The following APP variants were observed in gnomAD, a reference collection of about 807,000 sequenced individuals.
APP encodes the protein amyloid-beta precursor protein.
APP carries 31 observed loss-of-function variants against 101.4 expected under a neutral mutation model. That is an observed-to-expected ratio of 0.31 (90% CI 0.23 to 0.41). APP has a LOEUF of 0.41. APP is among the 10% of genes least tolerant of loss of function. The pLI, the probability that APP is intolerant of heterozygous loss-of-function variation, is 1.00. For missense variants in APP, 839 were observed against 1,003.7 expected (o/e 0.84, Z 2.22); for synonymous variants, 366 against 364.4 (o/e 1.00, Z -0.05).
intron 5 of APP, among the ~76,000 whole-genome samples, chr21:26,027,151 C>T (rs2044615129): frequency 6.6e-6 from 1 of 152,154 alleles, no homozygotes; most frequent in Non-Finnish European, 1.5e-5. Context: ...TCATGAGATC[C>T]AACCTACTTG....
At chr21:25,945,733 C>G (rs892647689) in intron 13 of APP, 6 of 352,122 alleles carry the variant, frequency 1.7e-5, no homozygotes, top group Non-Finnish European at 3.4e-5. Context: ...GGGTCTTGCT[C>G]TATTGCCCAG....
chr21:26,058,476 A>G (rs1483105798), intron 3 of APP, among the ~76,000 whole-genome samples: 1 of 152,248 alleles, frequency 6.6e-6, no homozygotes, highest in Non-Finnish European at 1.5e-5. Context: ...CTCCCACACT[A>G]TGGAATTTAA....
intron 8 of APP, among the ~76,000 whole-genome samples, chr21:25,995,087 CT>C (rs11315242): frequency 0.026 from 3,998 of 152,220 alleles, 203 homozygotes; most frequent in East Asian, 0.13. Flanking sequence ...ACAAAAGAGA[CT>C]TTCAGTATCT....
intron 15 of APP, among the ~76,000 whole-genome samples, chr21:25,904,752 AAAG>A (rs1384591715): frequency 6.6e-6 from 1 of 151,642 alleles, no homozygotes; most frequent in Non-Finnish European, 1.5e-5. Flanking sequence ...TTTAAAGAAA[AAAG>A]AAAAAAAAAA....
At chr21:26,047,732 A>G (rs1360321417) in intron 5 of APP, among the ~76,000 whole-genome samples, 1 of 152,208 alleles carries the variant, frequency 6.6e-6, no homozygotes, top group Non-Finnish European at 1.5e-5. Context: ...AAAGAGTGAT[A>G]AGAAATTTCA....
At chr21:26,056,648 A>G (rs2046054779) in intron 3 of APP, among the ~76,000 whole-genome samples, 1 of 150,654 alleles carries the variant, frequency 6.6e-6, no homozygotes, top group African/African-American at 2.4e-5. Context: ...TCTAACTTGC[A>G]AAACATTTCA....
intron 11 of APP, among the ~76,000 whole-genome samples, chr21:25,958,920 C>T (rs1460689132): frequency 2.6e-5 from 4 of 152,146 alleles, no homozygotes; most frequent in Non-Finnish European, 1.5e-5. Context: ...GCAGCTCTCC[C>T]CACCTTATTG....
intron 1 of APP, among the ~76,000 whole-genome samples, chr21:26,152,902 C>G (rs455921): frequency 0.49 from 74,215 of 152,066 alleles, 20,392 homozygotes; most frequent in African/African-American, 0.76. Flanking sequence ...TAAGTGGCCA[C>G]TGACTAATGA....
chr21:25,913,383 C>T (rs967077826), intron 13 of APP, among the ~76,000 whole-genome samples: 1 of 152,192 alleles, frequency 6.6e-6, no homozygotes, highest in African/African-American at 2.4e-5. Context: ...ATACTTGATG[C>T]CCATGATGAC....
intron 1 of APP, among the ~76,000 whole-genome samples, chr21:26,164,619 C>T (rs1052494672): frequency 3.9e-5 from 6 of 151,984 alleles, no homozygotes; most frequent in African/African-American, 7.2e-5. Flanking sequence ...TCTGGGAGGC[C>T]GAGGTGGGCA....
intron 17 of APP, among the ~76,000 whole-genome samples, chr21:25,886,302 A>T (rs181479699): frequency 7.2e-5 from 11 of 152,048 alleles, no homozygotes; most frequent in Non-Finnish European, 1.6e-4. Context: ...CCATCTCTCT[A>T]TAGTTATATA....
At chr21:25,967,233 C>T (rs894860151) in intron 11 of APP, among the ~76,000 whole-genome samples, 1 of 151,962 alleles carries the variant, frequency 6.6e-6, no homozygotes, top group Non-Finnish European at 1.5e-5. Context: ...AACTGATAGC[C>T]TGAATGTGAA....
chr21:26,021,548 T>A (rs1375104459), intron 6 of APP, among the ~76,000 whole-genome samples: 1 of 152,178 alleles, frequency 6.6e-6, no homozygotes, highest in Non-Finnish European at 1.5e-5. Context: ...CCTAACTCAG[T>A]GTTTGTCAAA....
intron 3 of APP, among the ~76,000 whole-genome samples, chr21:26,070,239 ATC>A (rs971922988): frequency 2.0e-5 from 3 of 152,176 alleles, no homozygotes; most frequent in East Asian, 3.8e-4. Flanking sequence ...ATAAATCAGA[ATC>A]TCTCTCTCTG....
chr21:26,075,526 A>G (rs2061484154), intron 3 of APP, among the ~76,000 whole-genome samples: 1 of 152,212 alleles, frequency 6.6e-6, no homozygotes, highest in African/African-American at 2.4e-5. Flanking sequence ...CCAGAGTATA[A>G]TCAGTTTTTT....
chr21:26,107,055 G>A (rs2062198846), intron 2 of APP, among the ~76,000 whole-genome samples: 1 of 152,132 alleles, frequency 6.6e-6, no homozygotes, highest in Non-Finnish European at 1.5e-5. Flanking sequence ...AGGGTGGCGG[G>A]GAAAGGATTA....
chr21:25,910,480 T>G (rs2039016549), intron 14 of APP, among the ~76,000 whole-genome samples: 2 of 152,186 alleles, frequency 1.3e-5, no homozygotes, highest in South Asian at 4.1e-4. Context: ...GCTGCTTTGA[T>G]AAAGAAAATC....
intron 13 of APP, among the ~76,000 whole-genome samples, chr21:25,930,115 C>T (rs1029685405): frequency 5.3e-5 from 8 of 152,110 alleles, no homozygotes; most frequent in African/African-American, 1.9e-4. Context: ...GAGAATGGGC[C>T]GTAGCAAGAC....
intron 6 of APP, among the ~76,000 whole-genome samples, chr21:26,017,427 AATTT>A (rs1601223550): frequency 2.0e-5 from 3 of 150,234 alleles, no homozygotes; most frequent in African/African-American, 2.4e-5. Flanking sequence ...AAAAAAAAAA[AATTT>A]AAATTACATT....
Sources: gnomAD v4.1 joint callset for allele counts (sites outside exome capture counted in the v4.1 genomes callset) on GRCh38, gnomAD v4.1.1 for gene constraint, MANE v1.5 for transcripts, NCBI Gene and HGNC (gene_info 2026-07-23, HGNC 2026-07-21) for gene names.